Variants in SF3B1 observed in about 807,000 individuals in gnomAD.
The protein encoded by SF3B1 is pre-mRNA processing 10.
SF3B1 carries 12 observed loss-of-function variants against 153.8 expected under a neutral mutation model. The ratio of observed to expected loss-of-function variants is 0.08; its 90% CI spans 0.05 to 0.13. The LOEUF is 0.13. Ranked by LOEUF, SF3B1 falls within the 10% of genes least tolerant of loss-of-function variation. SF3B1 has a pLI of 1.00. For synonymous variants in SF3B1, 498 were observed against 525.2 expected, an observed-to-expected ratio of 0.95 and a Z score of 0.71; for missense variants, 513 against 1,606.1, an observed-to-expected ratio of 0.32 and a Z score of 11.63.
chr2:197,403,498 G>A, intron 12 of SF3B1, 87 bp downstream of exon 12: 1 of 818,836 alleles, frequency 1.2e-6, no homozygotes, highest in Non-Finnish European at 1.8e-6. Context: ...CAAAGGAAAA[G>A]GTCTAGGAGA....
At chr2:197,397,197 CTCGCCCTG>C (rs1559263900) in intron 22 of SF3B1, among the ~76,000 whole-genome samples, 1 of 152,082 alleles carries the variant, frequency 6.6e-6, no homozygotes, top group Non-Finnish European at 1.5e-5. Flanking sequence ...GAGACAGGGT[CTCGCCCTG>C]TCGCCCAGGT....
chr2:197,435,039 A>T (rs1559283969), upstream of SF3B1: 3 of 1,614,034 alleles, frequency 1.9e-6, no homozygotes, highest in South Asian at 2.2e-5. Context: ...GGCGCTCCCA[A>T]GAACTTCCGC....
At chr2:197,418,412 G>C in intron 5 of SF3B1, 97 bp downstream of exon 5, 1 of 832,804 alleles carries the variant, frequency 1.2e-6, no homozygotes, top group Non-Finnish European at 1.9e-6. Context: ...ACTATTATTT[G>C]TGCAGCAAAT....
intron 2 of SF3B1, among the ~76,000 whole-genome samples, chr2:197,421,802 ACT>A (rs1481222675): frequency 6.6e-6 from 1 of 151,896 alleles, no homozygotes; most frequent in African/African-American, 2.4e-5. Flanking sequence ...ACATGGTGAA[ACT>A]CTGTCTCTAC....
chr2:197,400,544 T>C lies in SF3B1; in HGVS notation c.2719-110A>G. The C allele has an allele frequency of 3.6e-6, 4 of 1,105,216 alleles. No homozygotes were observed. The highest frequency in any genetic ancestry group is 3.9e-6 in the Non-Finnish European group (3 of 778,414). The allele number at this position is 1,105,216 out of a possible 1,614,324, so 68.5% of individuals were successfully genotyped here. ...CCACCCAAACATCTGTTGCTGTTTT[T>C]TTACATCAAATCTTAAAACTTGAGG... On this transcript the variant is annotated intron_variant, in intron 18 of 24. Coordinates refer to ENST00000335508, the MANE Select transcript of SF3B1 (RefSeq NM_012433.4). The surrounding 1 kb of genome is among the most constrained non-coding windows in gnomAD (Gnocchi z 5.0).
At position 197,417,481 on chromosome 2, in the gene SF3B1, T is replaced by C. The variant is rs191569926; in HGVS notation, c.496-570A>G. ...GGCTGGGTACGGTGGCTCACACCTG[T>C]AATCCCAGCACTTTGAGAGGTTAAG... On this transcript the variant is annotated intron_variant, in intron 5 of 24. Coordinates refer to ENST00000335508, the MANE Select transcript of SF3B1 (RefSeq NM_012433.4). Among the ~76,000 whole-genome samples the C allele has an allele frequency of 2.3e-4, 35 of 149,366 alleles. 1 individual carries two copies. The East Asian group carries it at 6.9e-3, about 29-fold the overall frequency.
chr2:197,396,377 T>G, intron 22 of SF3B1, 49 bp from the exon 23 acceptor site: 1 of 1,490,456 alleles, frequency 6.7e-7, no homozygotes, highest in Non-Finnish European at 9.1e-7. Context: ...AAGTCAAAAA[T>G]TTATGGAAGA....
At chr2:197,407,799 T>C (rs371012547) in intron 9 of SF3B1, 199 bp downstream of exon 9, 3 of 470,384 alleles carry the variant, frequency 6.4e-6, no homozygotes, top group East Asian at 7.4e-5. Context: ...TTGAGATGTC[T>C]TTCAAAAAGT....
chr2:197,427,825 C>T (rs897663642), intron 1 of SF3B1, among the ~76,000 whole-genome samples: 2 of 151,942 alleles, frequency 1.3e-5, no homozygotes, highest in African/African-American at 4.8e-5. Flanking sequence ...TCAGGATCAG[C>T]CTGGCCAAGA....
At chr2:197,398,204 T>C (rs1015966646) in intron 21 of SF3B1, 88 bp from the exon 22 acceptor site, 2 of 1,081,000 alleles carry the variant, frequency 1.9e-6, no homozygotes, top group Admixed American at 1.9e-5. Flanking sequence ...AAAACATGAT[T>C]AACTCATTTT....
chr2:197,414,170 A>G (rs1363543714), intron 6 of SF3B1, among the ~76,000 whole-genome samples: 2 of 152,234 alleles, frequency 1.3e-5, no homozygotes, highest in Non-Finnish European at 2.9e-5. Context: ...CTGAGAAGAC[A>G]TGTATGCGAA....
In SF3B1 at chr2:197,402,765, T is replaced by C. The variant is rs1039242157; in HGVS notation, c.1868A>G (p.Tyr623Cys). The C allele has an allele frequency of 6.8e-6, 11 of 1,614,080 alleles. No homozygotes were observed. Among genetic ancestry groups the C allele is most frequent in the Non-Finnish European group, 7.6e-6 (9 of 1,179,942 alleles). Residue 623 changes from tyrosine to cysteine, a missense_variant, in exon 14 of 25, where the codon TAT becomes TGT. Tyr to Cys is a radical substitution (Grantham distance 194). This residue lies in a region of SF3B1 where 11 missense variants were observed against 16.2 expected (regional missense o/e 0.68). Coordinates refer to ENST00000335508, the MANE Select transcript of SF3B1 (RefSeq NM_012433.4). The surrounding 1 kb of genome is among the most constrained non-coding windows in gnomAD (Gnocchi z 4.6). ...MRPDIDNMDE[Y>C]VRNTTARAFA... The stretch of plus-strand genomic sequence containing the variant: ...AGCTCTAGCTGTTGTGTTACGGACA[T>C]ACTCATCCATGTTATCTATATCAGG...
chr2:197,403,485 G>A (rs1459433370), intron 12 of SF3B1, 100 bp downstream of exon 12: 1 of 714,882 alleles, frequency 1.4e-6, no homozygotes, highest in Non-Finnish European at 2.2e-6. Flanking sequence ...GTGTGTACTT[G>A]TGCAAAGGAA....
At chr2:197,423,629 G>A (rs112576760) in intron 2 of SF3B1, among the ~76,000 whole-genome samples, 179 bp downstream of exon 2, 27 of 152,250 alleles carry the variant, frequency 1.8e-4, no homozygotes, top group African/African-American at 6.5e-4. Flanking sequence ...TAAATTCTCA[G>A]AACAAAGCAT....
chr2:197,418,019 TGAG>T (rs1249628126), intron 5 of SF3B1, among the ~76,000 whole-genome samples: 1 of 151,588 alleles, frequency 6.6e-6, no homozygotes, highest in African/African-American at 2.4e-5. Flanking sequence ...GCAGATCACC[TGAG>T]GTCAGGAGTT....
rs991418798 is a variant in SF3B1, at chr2:197,391,387, A to T, written c.*916T>A. 6.6e-6 allele frequency: 1 copy of T among 152,238 alleles called. No homozygotes were observed. Among genetic ancestry groups the T allele is most frequent in the Non-Finnish European group, 1.5e-5 (1 of 68,054 alleles). 9.4% of individuals were successfully genotyped at this position (152,238 alleles called of 1,614,324 possible). ...TAAAGGTAGAGGGCAGGTCTCATGC[A>T]CCTTTGCATCCCCTGCATATAAGCA... On this transcript the variant is annotated 3_prime_UTR_variant, in exon 25 of 25. Transcript: ENST00000335508.
chr2:197,410,831 G>A (rs767702387), intron 6 of SF3B1, among the ~76,000 whole-genome samples: 60 of 152,066 alleles, frequency 3.9e-4, no homozygotes, highest in Non-Finnish European at 7.2e-4. Context: ...ACCAGATACC[G>A]TCACATGATT....
At chr2:197,410,445 TTTTG>T (rs1339453761) in intron 6 of SF3B1, among the ~76,000 whole-genome samples, 3 of 152,142 alleles carry the variant, frequency 2.0e-5, no homozygotes, top group South Asian at 2.1e-4. Flanking sequence ...CCTGTTGATG[TTTTG>T]TTTAATTGTG....
chr2:197,407,045 G>T (rs182446168), intron 9 of SF3B1, among the ~76,000 whole-genome samples: 1 of 152,082 alleles, frequency 6.6e-6, no homozygotes, highest in East Asian at 1.9e-4. Flanking sequence ...CTATGTCAGC[G>T]CCACTGCTCT....
Sources: allele counts gnomAD v4.1 joint callset (sites outside exome capture counted in the v4.1 genomes callset), GRCh38; gene constraint gnomAD v4.1.1; regional missense constraint gnomAD v4.1.1; non-coding constraint Gnocchi (gnomAD v3.1); transcripts MANE v1.5; gene names NCBI Gene and HGNC (gene_info 2026-07-23, HGNC 2026-07-21).